GABRA1: variants seen among roughly 807,000 people sequenced by gnomAD.
The protein encoded by GABRA1 is gamma-aminobutyric acid receptor subunit alpha-1.
Under a neutral mutation model 48.9 loss-of-function variants are expected in GABRA1, and 9 were observed. The observed-to-expected ratio is 0.18, with a 90% CI of 0.11 to 0.32. The LOEUF is 0.32. Ranked by LOEUF, GABRA1 falls within the 10% of genes least tolerant of loss-of-function variation. The probability of loss-of-function intolerance (pLI) is 1.00; values close to 1 mark genes in which losing one functional copy is unlikely to be tolerated. For missense variants in GABRA1, 285 were observed against 553.8 expected, an observed-to-expected ratio of 0.51 and a Z score of 4.87; for synonymous variants, 210 against 198.7, an observed-to-expected ratio of 1.06 and a Z score of -0.48.
At chr5:161,891,528 G>A (rs1412205808) in intron 8 of GABRA1, among the ~76,000 whole-genome samples, 7 of 152,124 alleles carry the variant, frequency 4.6e-5, no homozygotes, top group Admixed American at 1.3e-4. Context: ...TTTACCTGAT[G>A]TGTGCACTTC....
chr5:161,860,916 T>G (rs1253963635), intron 3 of GABRA1, among the ~76,000 whole-genome samples: 1 of 151,916 alleles, frequency 6.6e-6, no homozygotes, highest in Non-Finnish European at 1.5e-5. Context: ...TTTCCTGTGT[T>G]GATTCCAGAT....
intron 2 of GABRA1, among the ~76,000 whole-genome samples, chr5:161,851,778 T>C (rs1369887742): frequency 3.3e-5 from 5 of 152,174 alleles, no homozygotes; most frequent in Admixed American, 3.3e-4. Context: ...TTTTTTGCTA[T>C]TGTGTATGGT....
chr5:161,853,834 A>AT (rs34288369), intron 2 of GABRA1: 306 of 181,352 alleles, frequency 1.7e-3, no homozygotes, highest in Non-Finnish European at 2.5e-3. Flanking sequence ...TGTTTTCTCT[A>AT]TTTTTTTTTA....
At chr5:161,853,297 G>T (rs952183980) in intron 2 of GABRA1, among the ~76,000 whole-genome samples, 1 of 151,782 alleles carries the variant, frequency 6.6e-6, no homozygotes. Flanking sequence ...AGGGACACAG[G>T]CTACATCTCC....
chr5:161,847,416 CA>C (rs1335276110), upstream of GABRA1: 1 of 152,316 alleles, frequency 6.6e-6, no homozygotes, highest in South Asian at 2.1e-4. Context: ...TCAGAGGTAA[CA>C]GCGCCTGCGT....
chr5:161,871,127 T>C (rs1054313146), intron 4 of GABRA1, among the ~76,000 whole-genome samples: 5 of 152,146 alleles, frequency 3.3e-5, no homozygotes, highest in African/African-American at 1.2e-4. Context: ...AGTCTTGACA[T>C]AATTTTTTGA....
At chr5:161,853,129 T>A (rs1290503401) in intron 2 of GABRA1, among the ~76,000 whole-genome samples, 1 of 151,810 alleles carries the variant, frequency 6.6e-6, no homozygotes, top group African/African-American at 2.4e-5. Flanking sequence ...CATCCTAAGA[T>A]AGAAAACAAT....
chr5:161,868,289 T>G (rs1428005955), intron 4 of GABRA1, among the ~76,000 whole-genome samples: 2 of 152,164 alleles, frequency 1.3e-5, no homozygotes, highest in Non-Finnish European at 2.9e-5. Context: ...TTGACTTTCC[T>G]TTGCTGGGGT....
At chr5:161,895,391 G>T (rs116053991) in intron 8 of GABRA1, among the ~76,000 whole-genome samples, 1 of 152,078 alleles carries the variant, frequency 6.6e-6, no homozygotes, top group African/African-American at 2.4e-5. Flanking sequence ...TGTTCAAAGC[G>T]CCAATTTAAA....
intron 3 of GABRA1, among the ~76,000 whole-genome samples, chr5:161,860,543 G>A (rs1270199864): frequency 2.0e-5 from 3 of 151,672 alleles, no homozygotes; most frequent in African/African-American, 7.3e-5. Context: ...CAAAAAAGTA[G>A]GAAAAATGAC....
chr5:161,896,207 A>G (rs536359358), intron 9 of GABRA1, among the ~76,000 whole-genome samples: 2 of 152,298 alleles, frequency 1.3e-5, no homozygotes, highest in South Asian at 2.1e-4. Flanking sequence ...TTTATTTACC[A>G]AGTGCGTTAT....
At chr5:161,880,887 A>T (rs2113407681) in intron 6 of GABRA1, among the ~76,000 whole-genome samples, 1 of 152,296 alleles carries the variant, frequency 6.6e-6, no homozygotes, top group Non-Finnish European at 1.5e-5. Flanking sequence ...TGGACAGAAC[A>T]CAAAAGCCTG....
intron 3 of GABRA1, among the ~76,000 whole-genome samples, chr5:161,861,595 T>C (rs908344039): frequency 3.3e-5 from 5 of 151,822 alleles, no homozygotes; most frequent in African/African-American, 1.2e-4. Flanking sequence ...ATATCTAGAC[T>C]TAGTAGCTGA....
intron 4 of GABRA1, 104 bp from the exon 5 acceptor site, chr5:161,873,013 C>T (rs1380447273): frequency 2.4e-6 from 2 of 834,988 alleles, no homozygotes; most frequent in South Asian, 1.4e-5. Context: ...ACCTAGCTAA[C>T]ATTATACTTC....
At chr5:161,891,134 A>C in intron 8 of GABRA1, 84 bp downstream of exon 8, 1 of 1,238,746 alleles carries the variant, frequency 8.1e-7, no homozygotes, top group Non-Finnish European at 1.2e-6. Context: ...AGAGAAATAA[A>C]AAAAAATATA....
intron 3 of GABRA1, among the ~76,000 whole-genome samples, chr5:161,864,182 A>C (rs2113348220): frequency 6.6e-6 from 1 of 152,164 alleles, no homozygotes; most frequent in African/African-American, 2.4e-5. Flanking sequence ...TCATTTAAGC[A>C]GTTTGAAGTA....
At chr5:161,861,344 A>G (rs1004027175) in intron 3 of GABRA1, among the ~76,000 whole-genome samples, 1 of 151,930 alleles carries the variant, frequency 6.6e-6, no homozygotes, top group Non-Finnish European at 1.5e-5. Context: ...TGACCAAAAG[A>G]AACCCATTGC....
intron 4 of GABRA1, among the ~76,000 whole-genome samples, chr5:161,868,493 G>A (rs1180760110): frequency 6.6e-6 from 1 of 152,064 alleles, no homozygotes; most frequent in Non-Finnish European, 1.5e-5. Flanking sequence ...AAGAATTGGG[G>A]AATTGGGAGC....
rs1259226083 is a variant in GABRA1, at chr5:161,899,445, T to TTATACTAATGTG, written c.*2025_*2036dup. ...CTGTTTATCTTGTTATTTTTCGGCG[T>TTATACTAATGTG]TATACTAATGTGTTTATTGAGAGCA... On this transcript the variant is annotated 3_prime_UTR_variant, in exon 10 of 10. Transcript: ENST00000393943. The TTATACTAATGTG allele has an allele frequency of 8.5e-5, 13 of 152,324 alleles. No individual in the cohort carries two copies. Among genetic ancestry groups the TTATACTAATGTG allele is most frequent in the African/African-American group, 3.1e-4 (13 of 41,574 alleles). The allele number at this position is 152,324 out of a possible 1,614,324, so 9.4% of individuals were successfully genotyped here.
Sources: gnomAD v4.1 joint callset for allele counts (sites outside exome capture counted in the v4.1 genomes callset) on GRCh38, gnomAD v4.1.1 for gene constraint, MANE v1.5 for transcripts, NCBI Gene and HGNC (gene_info 2026-07-23, HGNC 2026-07-21) for gene names.